The following CYP7B1 variants were observed in gnomAD, a reference collection of about 807,000 sequenced individuals.
The protein encoded by CYP7B1 is cytochrome P450 family 7 subfamily B member 1, also known as cytochrome P450 7B1.
A neutral mutation model predicts 42.7 loss-of-function variants in CYP7B1; 29 were observed. That is an observed-to-expected ratio of 0.68 (90% CI 0.51 to 0.93). CYP7B1 has a LOEUF of 0.93. CYP7B1 is among the 40% of genes least tolerant of loss of function. CYP7B1 has a pLI of 0.00. For missense variants in CYP7B1, 655 were observed against 600.5 expected, an observed-to-expected ratio of 1.09 and a Z score of -0.95; for synonymous variants, 235 against 218.2, an observed-to-expected ratio of 1.08 and a Z score of -0.68.
intron 1 of CYP7B1, among the ~76,000 whole-genome samples, chr8:64,795,566 A>G (rs1439491890): frequency 6.6e-6 from 1 of 152,182 alleles, no homozygotes; most frequent in Admixed American, 6.5e-5. Flanking sequence ...AACCTTCCCT[A>G]TCTAAGGAAA....
intron 1 of CYP7B1, among the ~76,000 whole-genome samples, chr8:64,662,543 T>C (rs1585839848): frequency 1.3e-5 from 2 of 152,236 alleles, no homozygotes; most frequent in South Asian, 2.1e-4. Context: ...AGGCAAGTTC[T>C]ATCCTTCCCA....
In CYP7B1 at chr8:64,594,068, C is replaced by A. The variant is rs890362771; in HGVS notation, c.*2574G>T. The stretch of plus-strand genomic sequence containing the variant: ...ATGGGACATAACAAATTTAGAACAT[C>A]TTAGGAAGAATTAAAGTTATCATGG... On this transcript the variant is annotated 3_prime_UTR_variant, in exon 6 of 6. Coordinates refer to ENST00000310193, the MANE Select transcript of CYP7B1 (RefSeq NM_004820.5). Among the ~76,000 whole-genome samples, 6 of 150,970 alleles carry A rather than the reference C, an allele frequency of 4.0e-5. No individual in the cohort carries two copies. Among genetic ancestry groups the A allele is most frequent in the African/African-American group, 1.5e-4 (6 of 40,970 alleles).
At chr8:64,710,287 T>A (rs1807062038) in intron 1 of CYP7B1, among the ~76,000 whole-genome samples, 2 of 152,186 alleles carry the variant, frequency 1.3e-5, no homozygotes, top group Non-Finnish European at 2.9e-5. Flanking sequence ...TGCCCTCTAT[T>A]TTTAAAACAC....
intron 1 of CYP7B1, among the ~76,000 whole-genome samples, chr8:64,679,469 A>T (rs1806503722): frequency 6.6e-6 from 1 of 152,218 alleles, no homozygotes; most frequent in South Asian, 2.1e-4. Context: ...TTGTTTAAAA[A>T]AATTGGGCAA....
chr8:64,662,144 C>A (rs577066559), intron 1 of CYP7B1, among the ~76,000 whole-genome samples: 1 of 152,062 alleles, frequency 6.6e-6, no homozygotes, highest in South Asian at 2.1e-4. Flanking sequence ...ACAGCCTGGA[C>A]AACATAGCAA....
At position 64,615,905 on chromosome 8, in the gene CYP7B1, T is replaced by C; in HGVS notation, c.636A>G (p.Leu212=). The part of the protein sequence containing the change: ...VCDNNKFISE[L]RDDFLKFDDK... The stretch of plus-strand genomic sequence containing the variant: ...CATCAAATTTTAAAAAATCATCTCT[T>C]AGCTCACTAATAAATTTGTTGTTGT... The change falls in exon 3 of 6, where the codon CTA becomes CTG. Residue 212 remains leucine (L), a synonymous_variant. Transcript: ENST00000310193. 6.2e-7 allele frequency: 1 copy of C among 1,613,632 alleles called. No individual in the cohort carries two copies. Among genetic ancestry groups the C allele is most frequent in the Middle Eastern group, 1.7e-4 (1 of 6,058 alleles).
chr8:64,647,641 A>C, intron 1 of CYP7B1, among the ~76,000 whole-genome samples: 1 of 152,192 alleles, frequency 6.6e-6, no homozygotes, highest in South Asian at 2.1e-4. Context: ...TGTAAATTCC[A>C]GTCCAGAAGC....
At chr8:64,765,339 T>C (rs1255803968) in intron 1 of CYP7B1, among the ~76,000 whole-genome samples, 2 of 152,344 alleles carry the variant, frequency 1.3e-5, no homozygotes, top group African/African-American at 2.4e-5. Flanking sequence ...ATGGTTATCA[T>C]CTTTAAAAAT....
intron 2 of CYP7B1, 75 bp from the exon 3 acceptor site, chr8:64,616,356 A>C (rs1805449439): frequency 4.2e-6 from 4 of 960,086 alleles, no homozygotes; most frequent in Non-Finnish European, 4.7e-6. Flanking sequence ...CAAATTAAAA[A>C]ATATGTTAAT....
intron 3 of CYP7B1, 65 bp downstream of exon 3, chr8:64,615,624 CTT>C: frequency 6.7e-7 from 1 of 1,499,886 alleles, no homozygotes; most frequent in Non-Finnish European, 9.2e-7. Context: ...GCCATTTTGT[CTT>C]TTTATTTCAG....
At chr8:64,651,707 T>C (rs1233226975) in intron 1 of CYP7B1, among the ~76,000 whole-genome samples, 1 of 152,198 alleles carries the variant, frequency 6.6e-6, no homozygotes, top group Non-Finnish European at 1.5e-5. Context: ...TTACCTCTTC[T>C]GCCATATGAG....
chr8:64,618,080 T>G (rs1242065854), intron 2 of CYP7B1, among the ~76,000 whole-genome samples: 2 of 150,170 alleles, frequency 1.3e-5, no homozygotes, highest in African/African-American at 4.9e-5. Context: ...TGTGTGTGTA[T>G]GTGCTCTGGG....
In CYP7B1 at chr8:64,798,597, G is replaced by T. The variant is rs1201168577; in HGVS notation, c.-10C>A. Reference sequence around the variant, plus strand: ...ACACTTCTCCTGCCATCCGGCGCGCGCTAGGCCGCGGTGGGCAGCCCGGGG... The same window carrying T: ...ACACTTCTCCTGCCATCCGGCGCGCTCTAGGCCGCGGTGGGCAGCCCGGGG... On this transcript the variant is annotated 5_prime_UTR_variant, in exon 1 of 6. Transcript: ENST00000310193. 1.4e-6 allele frequency: 2 copies of T among 1,457,678 alleles called. No individual in the cohort carries two copies. Among genetic ancestry groups the T allele is most frequent in the South Asian group, 1.4e-5 (1 of 74,072 alleles). 90.3% of individuals were successfully genotyped at this position (1,457,678 alleles called of 1,614,324 possible).
At chr8:64,722,747 G>GT (rs1200590459) in intron 1 of CYP7B1, among the ~76,000 whole-genome samples, 1 of 107,960 alleles carries the variant, frequency 9.3e-6, no homozygotes, top group Admixed American at 1.0e-4. Flanking sequence ...TTGCGGCGGG[G>GT]GGGGGGGGGC....
rs183350542 is a variant in CYP7B1, at chr8:64,777,913, T to C, written c.122+20553A>G. 1.6e-3 allele frequency among the ~76,000 whole-genome samples: 243 copies of C among 151,364 alleles called. 4 individuals carry two copies. Among genetic ancestry groups the C allele is most frequent in the Non-Finnish European group, 5.6e-4 (38 of 67,916 alleles). On this transcript the variant is annotated intron_variant, in intron 1 of 5. Transcript: ENST00000310193. ...GTAAAAAAATAAAATTTTCAAAGAC[T>C]TTATTTTTGGATTCTTTCCCTTAAA... is the stretch of plus-strand genomic sequence containing the variant.
At chr8:64,679,831 A>G (rs1206473365) in intron 1 of CYP7B1, among the ~76,000 whole-genome samples, 1 of 152,204 alleles carries the variant, frequency 6.6e-6, no homozygotes, top group Non-Finnish European at 1.5e-5. Flanking sequence ...AATGCAATAA[A>G]TTTATCCAGT....
intron 1 of CYP7B1, among the ~76,000 whole-genome samples, chr8:64,696,845 A>G (rs1806836456): frequency 6.6e-6 from 1 of 152,202 alleles, no homozygotes; most frequent in Non-Finnish European, 1.5e-5. Context: ...AAAAACTAAT[A>G]ATTGTAAAAA....
At chr8:64,644,905 C>T (rs1805925345) in intron 1 of CYP7B1, among the ~76,000 whole-genome samples, 1 of 128,624 alleles carries the variant, frequency 7.8e-6, no homozygotes, top group South Asian at 3.2e-4. Context: ...TGCTATCCCT[C>T]CCCCCTCCCC....
At chr8:64,783,372 T>G (rs143488563) in intron 1 of CYP7B1, among the ~76,000 whole-genome samples, 30 of 152,292 alleles carry the variant, frequency 2.0e-4, no homozygotes, top group African/African-American at 6.5e-4. Flanking sequence ...ATTATCTACA[T>G]AACCTTAACA....
Sources: allele counts gnomAD v4.1 joint callset (sites outside exome capture counted in the v4.1 genomes callset), GRCh38; gene constraint gnomAD v4.1.1; transcripts MANE v1.5; gene names NCBI Gene and HGNC (gene_info 2026-07-23, HGNC 2026-07-21).